Variants in RNF180 observed in about 807,000 individuals in gnomAD.
The protein encoded by RNF180 is E3 ubiquitin-protein ligase RNF180.
RNF180 carries 38 observed loss-of-function variants against 59.2 expected under a neutral mutation model. The ratio of observed to expected loss-of-function variants is 0.64; its 90% CI spans 0.50 to 0.84. RNF180 has a LOEUF of 0.84. Among genes scored for constraint, RNF180 ranks in the 40% least tolerant of loss-of-function variants. The pLI, the probability that RNF180 is intolerant of heterozygous loss-of-function variation, is 0.00. For synonymous variants in RNF180, 262 were observed against 240.3 expected, an observed-to-expected ratio of 1.09 and a Z score of -0.84; for missense variants, 705 against 700.9, an observed-to-expected ratio of 1.01 and a Z score of -0.07.
intron 5 of RNF180, among the ~76,000 whole-genome samples, chr5:64,302,407 G>A (rs1743206093): frequency 6.6e-6 from 1 of 151,470 alleles, no homozygotes; most frequent in Admixed American, 6.6e-5. Flanking sequence ...TTTAAACTCT[G>A]AATTTTATGT....
At chr5:64,174,165 C>A (rs1367515970) in intron 1 of RNF180, among the ~76,000 whole-genome samples, 1 of 152,174 alleles carries the variant, frequency 6.6e-6, no homozygotes, top group Non-Finnish European at 1.5e-5. Flanking sequence ...GAATAGTGTT[C>A]CATTGTGTAT....
chr5:64,244,395 T>C (rs1169435706), intron 5 of RNF180, among the ~76,000 whole-genome samples: 1 of 138,698 alleles, frequency 7.2e-6, no homozygotes, highest in East Asian at 1.9e-4. Context: ...GGAACATAAA[T>C]GACCTGATGG....
intron 5 of RNF180, among the ~76,000 whole-genome samples, chr5:64,251,886 G>A (rs1037486814): frequency 6.6e-6 from 1 of 152,048 alleles, no homozygotes; most frequent in Non-Finnish European, 1.5e-5. Flanking sequence ...GAACCAAGGA[G>A]GTGAAAGATC....
At chr5:64,238,615 CTGT>C (rs1742593453) in intron 5 of RNF180, among the ~76,000 whole-genome samples, 1 of 151,968 alleles carries the variant, frequency 6.6e-6, no homozygotes, top group Admixed American at 6.6e-5. Flanking sequence ...TTTTATATAC[CTGT>C]TGTTCATTTG....
At chr5:64,226,984 G>A (rs776151171) in intron 5 of RNF180, among the ~76,000 whole-genome samples, 2 of 152,182 alleles carry the variant, frequency 1.3e-5, no homozygotes, top group Non-Finnish European at 2.9e-5. Context: ...GAGAAACCCG[G>A]CTGACTCCCT....
chr5:64,341,630 A>G (rs186651859), intron 7 of RNF180, among the ~76,000 whole-genome samples: 2 of 151,942 alleles, frequency 1.3e-5, no homozygotes, highest in African/African-American at 4.8e-5. Context: ...TGGAAAACCT[A>G]CTCCATTTCT....
Position 64,369,507 on chromosome 5 carries a change from C to T in RNF180, c.1580-108C>T, listed in dbSNP as rs542276999. The stretch of plus-strand genomic sequence containing the variant: ...AACTGTCAGGAATACAACATAACTC[C>T]GCTCAGTGAAATCAGGATATGCTTT... On this transcript the variant is annotated intron_variant, in intron 7 of 7. Transcript: ENST00000389100. The T allele has an allele frequency of 2.0e-4, 117 of 589,312 alleles. 1 individual carries two copies. The South Asian group carries it at 4.6e-3, about 23-fold the overall frequency. 36.5% of individuals were successfully genotyped at this position (589,312 alleles called of 1,614,324 possible).
chr5:64,288,088 A>T (rs1393651100), intron 5 of RNF180, among the ~76,000 whole-genome samples: 1 of 152,206 alleles, frequency 6.6e-6, no homozygotes, highest in African/African-American at 2.4e-5. Context: ...ATAAAGTGTA[A>T]GGAAGGGATC....
chr5:64,222,225 A>G (rs1013948114), intron 5 of RNF180, among the ~76,000 whole-genome samples: 2 of 152,150 alleles, frequency 1.3e-5, no homozygotes, highest in African/African-American at 4.8e-5. Context: ...TCCCAAAACT[A>G]CTGTATTTGA....
intron 5 of RNF180, among the ~76,000 whole-genome samples, chr5:64,277,965 G>A (rs1741816229): frequency 6.6e-6 from 1 of 152,122 alleles, no homozygotes; most frequent in South Asian, 2.1e-4. Context: ...AGAGGGCTGG[G>A]GAAAGTATTG....
chr5:64,203,090 C>A (rs986759678), intron 2 of RNF180, among the ~76,000 whole-genome samples: 1 of 152,126 alleles, frequency 6.6e-6, no homozygotes, highest in Non-Finnish European at 1.5e-5. Flanking sequence ...TATTTAATGA[C>A]CTAGAACAAT....
At chr5:64,332,281 A>G (rs1744943400) in intron 7 of RNF180, among the ~76,000 whole-genome samples, 3 of 152,210 alleles carry the variant, frequency 2.0e-5, no homozygotes, top group Admixed American at 1.3e-4. Flanking sequence ...AGGCACCAGT[A>G]CTCTGTATAA....
At chr5:64,290,504 G>C (rs1036337841) in intron 5 of RNF180, among the ~76,000 whole-genome samples, 1 of 152,138 alleles carries the variant, frequency 6.6e-6, no homozygotes, top group African/African-American at 2.4e-5. Context: ...TTACTTTGTG[G>C]AAGTCTAAGT....
chr5:64,170,968 G>A (rs1319517811), intron 1 of RNF180, among the ~76,000 whole-genome samples: 1 of 152,132 alleles, frequency 6.6e-6, no homozygotes, highest in Non-Finnish European at 1.5e-5. Context: ...GATAACTTTT[G>A]GCATAGTGCA....
intron 5 of RNF180, among the ~76,000 whole-genome samples, chr5:64,312,266 A>G (rs1333097820): frequency 6.6e-6 from 1 of 152,096 alleles, no homozygotes; most frequent in Non-Finnish European, 1.5e-5. Flanking sequence ...CAAGATCTCA[A>G]CTTAAATAGC....
intron 5 of RNF180, among the ~76,000 whole-genome samples, chr5:64,321,323 ACT>A (rs1465561884): frequency 6.6e-6 from 1 of 152,124 alleles, no homozygotes; most frequent in Admixed American, 6.5e-5. Flanking sequence ...ACTTCAGCAG[ACT>A]CTCAGTATAC....
At chr5:64,324,794 G>A (rs1744550654) in intron 5 of RNF180, among the ~76,000 whole-genome samples, 1 of 152,034 alleles carries the variant, frequency 6.6e-6, no homozygotes, top group African/African-American at 2.4e-5. Flanking sequence ...CATCATGCAT[G>A]GATGCTCATA....
At chr5:64,322,767 A>G (rs982856168) in intron 5 of RNF180, among the ~76,000 whole-genome samples, 2 of 152,024 alleles carry the variant, frequency 1.3e-5, no homozygotes, top group African/African-American at 2.4e-5. Flanking sequence ...GTATGTTCTC[A>G]CTCATAAGTG....
rs539369119 is a variant in RNF180, at chr5:64,296,376, T to C, written c.1228-28810T>C. 5.3e-5 allele frequency among the ~76,000 whole-genome samples: 8 copies of C among 152,322 alleles called. No homozygotes were observed. The East Asian group carries it at 1.5e-3, about 29-fold the overall frequency. ...GTCATGGGAATATTCTTAAATATGC[T>C]CAATTTGACATTGGTGTCTTTAGGT... is the stretch of plus-strand genomic sequence containing the variant. On this transcript the variant is annotated intron_variant, in intron 5 of 7. Coordinates refer to ENST00000389100, the MANE Select transcript of RNF180 (RefSeq NM_001113561.2).
Sources: gnomAD v4.1 joint callset for allele counts (sites outside exome capture counted in the v4.1 genomes callset) on GRCh38, gnomAD v4.1.1 for gene constraint, MANE v1.5 for transcripts, NCBI Gene and HGNC (gene_info 2026-07-23, HGNC 2026-07-21) for gene names.